The following MTOR variants were observed in gnomAD, a reference collection of about 807,000 sequenced individuals.
MTOR encodes the protein serine/threonine-protein kinase mTOR.
A neutral mutation model predicts 319.8 loss-of-function variants in MTOR; 70 were observed. The ratio of observed to expected loss-of-function variants is 0.22; its 90% CI spans 0.18 to 0.27. The LOEUF is 0.27. MTOR is among the 10% of genes least tolerant of loss of function. The pLI is 1.00. For missense variants in MTOR, 1,890 were observed against 3,274.4 expected, an observed-to-expected ratio of 0.58 and a Z score of 10.32; for synonymous variants, 1,183 against 1,211.4, an observed-to-expected ratio of 0.98 and a Z score of 0.49.
Position 11,157,214 on chromosome 1 carries a change from G to A in MTOR, c.4407C>T (p.Thr1469=), listed in dbSNP as rs1644346747. ...GCATCAGCTCTGGGTCGTCCTTGTT[G>A]GTGTCCATTTTCTTGTCATAGGCCA... The part of the protein sequence containing the change: ...ALVAYDKKMD[T]NKDDPELMLG... Residue 1469 remains threonine, a synonymous_variant, in exon 30 of 58, where the codon ACC becomes ACT. Coordinates refer to ENST00000361445, the MANE Select transcript of MTOR (RefSeq NM_004958.4). 1 of 1,613,980 alleles carries A rather than the reference G, an allele frequency of 6.2e-7. No homozygotes were observed. Among genetic ancestry groups the A allele is most frequent in the Non-Finnish European group, 8.5e-7 (1 of 1,179,950 alleles).
At chr1:11,224,160 A>T (rs890705332) in intron 19 of MTOR, among the ~76,000 whole-genome samples, 22 of 152,114 alleles carry the variant, frequency 1.4e-4, no homozygotes, top group African/African-American at 5.3e-4. Flanking sequence ...AAACATTTTT[A>T]AATTGGATTA....
chr1:11,210,968 G>A, intron 23 of MTOR, 62 bp from the exon 24 acceptor site: 1 of 1,003,002 alleles, frequency 1.0e-6, no homozygotes, highest in East Asian at 2.4e-5. Flanking sequence ...AAAAGTAGAG[G>A]AAAAAATATT....
chr1:11,248,132 T>C, intron 6 of MTOR, 38 bp from the exon 7 acceptor site: 1 of 1,539,650 alleles, frequency 6.5e-7, no homozygotes, highest in East Asian at 2.3e-5. Flanking sequence ...TCTTTACTTA[T>C]GACTGGCATT....
In MTOR at chr1:11,114,903, T is replaced by C. The variant is rs1642082213; in HGVS notation, c.7090-16A>G. ...TCATAGCAACCTACAGAATAATAAA[T>C]GGGAAAAGCCAAATCAATGTTTATT... On this transcript the variant is annotated splice_polypyrimidine_tract_variant and intron_variant, in intron 51 of 57. Coordinates refer to ENST00000361445, the MANE Select transcript of MTOR (RefSeq NM_004958.4). The C allele has an allele frequency of 1.9e-6, 3 of 1,610,904 alleles. No homozygotes were observed. Among genetic ancestry groups the C allele is most frequent in the African/African-American group, 2.7e-5 (2 of 74,936 alleles).
chr1:11,238,046 G>A lies in MTOR; in HGVS notation c.2005C>T (p.Pro669Ser). 1 of 1,614,088 alleles carries A rather than the reference G, an allele frequency of 6.2e-7. No homozygotes were observed. Among genetic ancestry groups the A allele is most frequent in the South Asian group, 1.1e-5 (1 of 91,074 alleles). Residue 669 changes from proline (P) to serine (S), a missense_variant and splice_region_variant, in exon 13 of 58, where the codon CCT becomes TCT. Physicochemically the swap from Pro to Ser is moderately conservative, Grantham distance 74 (BLOSUM62 -1). Around this residue, in one of 15 missense-constraint regions of MTOR, gnomAD observed 377 missense variants for 653.9 expected, o/e 0.58. Transcript: ENST00000361445. ...LLVVGITDPD[P>S]DIRYCVLASL... is the part of the protein sequence containing the mutation. ...GCCAAGACACAGTAGCGAATGTCAG[G>A]GTCTGCAAGAGCAATGGAGCCTTTG...
chr1:11,194,732 A>C, intron 28 of MTOR: 1 of 1,606,846 alleles, frequency 6.2e-7, no homozygotes, highest in Non-Finnish European at 8.5e-7. Context: ...GAAAGAGTGA[A>C]TTATAACTGT....
In MTOR at chr1:11,231,104, TACA is replaced by T. The variant is rs780271197; in HGVS notation, c.2650-53_2650-51del. On this transcript the variant is annotated intron_variant, in intron 17 of 57. Coordinates refer to ENST00000361445, the MANE Select transcript of MTOR (RefSeq NM_004958.4). ...AAGAAAACATTCATCACAACATGAT[TACA>T]ACAAGTATCACGGATACTCCTCTCA... is the stretch of plus-strand genomic sequence containing the variant. 1,893 of 1,613,578 alleles carry T rather than the reference TACA, an allele frequency of 1.2e-3. 2 individuals are homozygous for T. The highest frequency in any genetic ancestry group is 1.5e-3 in the Non-Finnish European group (1,783 of 1,179,674).
chr1:11,125,760 G>A (rs1169253091), intron 46 of MTOR, among the ~76,000 whole-genome samples: 1 of 149,624 alleles, frequency 6.7e-6, no homozygotes, highest in African/African-American at 2.5e-5. Context: ...AGCAAGAGGT[G>A]GCTGGGCGCA....
At chr1:11,245,418 T>C (rs1304125569) in intron 8 of MTOR, among the ~76,000 whole-genome samples, 1 of 152,214 alleles carries the variant, frequency 6.6e-6, no homozygotes, top group East Asian at 1.9e-4. Context: ...ACTTCTAAAA[T>C]AGCACATGCT....
At position 11,127,665 on chromosome 1, in the gene MTOR, C is replaced by G; in HGVS notation, c.6175G>C (p.Glu2059Gln). Residue 2059 changes from glutamate (E) to glutamine (Q), a missense_variant, in exon 44 of 58, where the codon GAA becomes CAA. Around this residue, in one of 15 missense-constraint regions of MTOR, gnomAD observed 249 missense variants for 596.2 expected, o/e 0.42. Coordinates refer to ENST00000361445, the MANE Select transcript of MTOR (RefSeq NM_004958.4). This position sits in a 1 kb window ranked among gnomAD's most constrained non-coding sequence, Gnocchi z 5.5. Reference protein sequence around the residue: ...EVLEPLHAMMERGPQTLKETS... With the variant: ...EVLEPLHAMMQRGPQTLKETS... ...TCCTTCAGAGTCTGGGGGCCCCGTT[C>G]CATCATAGCATGCAAGGGCTCCAGC... is the stretch of plus-strand genomic sequence containing the variant. The G allele has an allele frequency of 6.2e-7, 1 of 1,614,030 alleles. No individual in the cohort carries two copies. Among genetic ancestry groups the G allele is most frequent in the Non-Finnish European group, 8.5e-7 (1 of 1,180,010 alleles).
chr1:11,174,252 C>T (rs1324255458), intron 28 of MTOR, among the ~76,000 whole-genome samples: 2 of 152,170 alleles, frequency 1.3e-5, no homozygotes, highest in East Asian at 1.9e-4. Flanking sequence ...CATCAGTAGG[C>T]ACCCAGGAAT....
rs769952115 is a variant in MTOR, at chr1:11,212,939, A to C, written c.3286-31T>G. On this transcript the variant is annotated intron_variant, in intron 21 of 57. Coordinates refer to ENST00000361445, the MANE Select transcript of MTOR (RefSeq NM_004958.4). The surrounding 1 kb of genome is among the most constrained non-coding windows in gnomAD (Gnocchi z 4.1). ...AAAGGGAGCAAAAGCATGGTGATGA[A>C]TAGTCAGGTCCCAAGTATCTAAGGA... The C allele has an allele frequency of 2.6e-6, 4 of 1,557,988 alleles. No homozygotes were observed. In the South Asian group the frequency reaches 4.5e-5, roughly 17 times the overall value.
intron 26 of MTOR, among the ~76,000 whole-genome samples, chr1:11,200,011 T>G (rs1385117150): frequency 6.6e-6 from 1 of 152,156 alleles, no homozygotes; most frequent in Non-Finnish European, 1.5e-5. Context: ...ATTCAGGGAC[T>G]TGGGGGGCGA....
chr1:11,260,786 A>G (rs1244260965), intron 1 of MTOR, among the ~76,000 whole-genome samples: 1 of 150,354 alleles, frequency 6.7e-6, no homozygotes, highest in Non-Finnish European at 1.5e-5. Context: ...AATTTGGACT[A>G]GTCATTTTTT....
chr1:11,142,391 C>T (rs1341517552), intron 34 of MTOR, among the ~76,000 whole-genome samples: 3 of 152,062 alleles, frequency 2.0e-5, no homozygotes, highest in African/African-American at 7.2e-5. Flanking sequence ...CAGGTCCAAG[C>T]GATTCTCCTG....
chr1:11,214,050 A>C (rs1050225455), intron 20 of MTOR, among the ~76,000 whole-genome samples: 1 of 152,230 alleles, frequency 6.6e-6, no homozygotes, highest in African/African-American at 2.4e-5. Flanking sequence ...CCCAGAATCT[A>C]TCAATCAGAG....
At chr1:11,139,234 G>A in intron 36 of MTOR, 70 bp downstream of exon 36, 3 of 1,528,566 alleles carry the variant, frequency 2.0e-6, no homozygotes, top group Middle Eastern at 2.4e-4. Context: ...GCCTTAAAGA[G>A]GCAGAGCGAA....
chr1:11,223,392 A>G (rs925606440), intron 19 of MTOR, among the ~76,000 whole-genome samples: 2 of 152,166 alleles, frequency 1.3e-5, no homozygotes, highest in African/African-American at 4.8e-5. Context: ...GTTACATGGG[A>G]AAAAGTATGT....
intron 28 of MTOR, chr1:11,189,999 T>A: frequency 6.4e-7 from 1 of 1,560,208 alleles, no homozygotes; most frequent in Non-Finnish European, 8.7e-7. Context: ...TGCCTCCCCA[T>A]CTACAGCACT....
Sources: allele counts gnomAD v4.1 joint callset (sites outside exome capture counted in the v4.1 genomes callset), GRCh38; gene constraint gnomAD v4.1.1; regional missense constraint gnomAD v4.1.1; non-coding constraint Gnocchi (gnomAD v3.1); transcripts MANE v1.5; gene names NCBI Gene and HGNC (gene_info 2026-07-23, HGNC 2026-07-21).